Variants in DCC observed in about 807,000 individuals in gnomAD.
DCC encodes DCC netrin 1 receptor.
In DCC, 58 loss-of-function variants were observed where a neutral mutation model predicts 172.5. That is an observed-to-expected ratio of 0.34 (90% confidence interval 0.27 to 0.42). The LOEUF (loss-of-function observed/expected upper bound fraction) is 0.42. Among genes scored for constraint, DCC ranks in the 10% least tolerant of loss-of-function variants. DCC has a pLI of 1.00. For missense variants in DCC, 1,740 were observed against 1,791.0 expected, an observed-to-expected ratio of 0.97 and a Z score of 0.51; for synonymous variants, 709 against 644.5, an observed-to-expected ratio of 1.10 and a Z score of -1.52.
At chr18:53,392,156 C>A (rs1018026978) in intron 17 of DCC, among the ~76,000 whole-genome samples, 3 of 151,654 alleles carry the variant, frequency 2.0e-5, no homozygotes, top group African/African-American at 7.3e-5. Flanking sequence ...TGATTTGATT[C>A]TGTGCAAGAG....
chr18:52,717,579 C>G (rs1303930729), intron 1 of DCC, among the ~76,000 whole-genome samples: 1 of 151,852 alleles, frequency 6.6e-6, no homozygotes, highest in Non-Finnish European at 1.5e-5. Flanking sequence ...GAACAGTCAT[C>G]CAGAGAGTAC....
chr18:53,095,687 A>T (rs1446092968), intron 7 of DCC, among the ~76,000 whole-genome samples: 1 of 152,132 alleles, frequency 6.6e-6, no homozygotes, highest in East Asian at 1.9e-4. Flanking sequence ...TATTTAGATA[A>T]ACCAGGATAA....
At chr18:52,560,325 T>C (rs1292610960) in intron 1 of DCC, among the ~76,000 whole-genome samples, 2 of 152,246 alleles carry the variant, frequency 1.3e-5, no homozygotes, top group African/African-American at 2.4e-5. Flanking sequence ...TATAATTCTG[T>C]GTATCATGAA....
In DCC at chr18:52,649,321, C is replaced by T. The variant is rs561347511; in HGVS notation, c.92-102733C>T. Among the ~76,000 whole-genome samples the T allele has an allele frequency of 1.3e-4, 19 of 146,726 alleles. No individual in the cohort carries two copies. The East Asian group carries it at 3.8e-3, about 29-fold the overall frequency. Reference sequence around the variant, plus strand: ...CCGGGAGGCGGAGCTTGCAGTGAGCCGAGATTGTGCCACTGCACTCCAGCT... The same window carrying T: ...CCGGGAGGCGGAGCTTGCAGTGAGCTGAGATTGTGCCACTGCACTCCAGCT... On this transcript the variant is annotated intron_variant, in intron 1 of 28. Transcript: ENST00000442544.
At chr18:53,397,515 A>G (rs1248073151) in intron 18 of DCC, 69 bp downstream of exon 18, 6 of 1,544,132 alleles carry the variant, frequency 3.9e-6, no homozygotes, top group African/African-American at 2.7e-5. Flanking sequence ...AAATTAGAAC[A>G]TGTGTTCCCT....
At chr18:53,305,478 T>G in intron 12 of DCC, 100 bp from the exon 13 acceptor site, 1 of 971,072 alleles carries the variant, frequency 1.0e-6, no homozygotes, top group Non-Finnish European at 1.7e-6. Flanking sequence ...CACTTCTTGC[T>G]TCTCTGCTTT....
intron 1 of DCC, among the ~76,000 whole-genome samples, chr18:52,475,117 C>G (rs1989057178): frequency 6.6e-6 from 1 of 152,168 alleles, no homozygotes; most frequent in African/African-American, 2.4e-5. Context: ...CATTGAAATT[C>G]TGAGTGGAAA....
Position 52,386,138 on chromosome 18 carries a change from G to T in DCC, c.91+45260G>T, listed in dbSNP as rs892587262. 3.3e-5 allele frequency among the ~76,000 whole-genome samples: 5 copies of T among 152,142 alleles called. 1 individual carries two copies. The South Asian group carries it at 6.2e-4, about 19-fold the overall frequency. ...TGTTATTTTCCCATTTCACAGGTGA[G>T]AAAACAGAGGCTCTGGGAGCCTAAG... is the stretch of plus-strand genomic sequence containing the variant. On this transcript the variant is annotated intron_variant, in intron 1 of 28. Transcript: ENST00000442544.
chr18:52,744,068 G>A (rs1187300885), intron 1 of DCC, among the ~76,000 whole-genome samples: 2 of 152,150 alleles, frequency 1.3e-5, no homozygotes, highest in African/African-American at 4.8e-5. Flanking sequence ...GGAATTTCAT[G>A]GAGGATAGGT....
At chr18:53,372,474 G>A (rs2058068999) in intron 15 of DCC, among the ~76,000 whole-genome samples, 2 of 151,930 alleles carry the variant, frequency 1.3e-5, no homozygotes, top group African/African-American at 4.8e-5. Context: ...AAGGGTAGGG[G>A]GAGGGAGAAG....
intron 10 of DCC, among the ~76,000 whole-genome samples, chr18:53,205,966 A>T (rs1454674643): frequency 6.6e-6 from 1 of 151,610 alleles, no homozygotes; most frequent in East Asian, 1.9e-4. Flanking sequence ...GACACATGAA[A>T]CTGAAAAATT....
In DCC at chr18:52,652,947, G is replaced by A. The variant is rs115160897; in HGVS notation, c.92-99107G>A. 2.3e-3 allele frequency among the ~76,000 whole-genome samples: 345 copies of A among 152,180 alleles called. 1 individual carries two copies. The highest frequency in any genetic ancestry group is 7.9e-3 in the African/African-American group (330 of 41,512). Reference sequence around the variant, plus strand: ...TGAGGACACAGAGAATAACAAAACAGGAAAAGAATGATGCAGGGGAAAGGG... The same window carrying A: ...TGAGGACACAGAGAATAACAAAACAAGAAAAGAATGATGCAGGGGAAAGGG... On this transcript the variant is annotated intron_variant, in intron 1 of 28. Coordinates refer to ENST00000442544, the MANE Select transcript of DCC (RefSeq NM_005215.4).
At chr18:53,349,872 G>T (rs1338757882) in intron 15 of DCC, among the ~76,000 whole-genome samples, 3 of 152,136 alleles carry the variant, frequency 2.0e-5, no homozygotes, top group Non-Finnish European at 2.9e-5. Context: ...TTTGGGCGGG[G>T]ACACAGCCAA....
chr18:52,781,559 T>TCTAACATTG (rs1313500294), intron 2 of DCC, among the ~76,000 whole-genome samples: 4 of 152,268 alleles, frequency 2.6e-5, no homozygotes, highest in African/African-American at 9.6e-5. Flanking sequence ...AAAGAGTGCC[T>TCTAACATTG]CTAACATTGT....
chr18:52,765,114 C>G (rs149333395), intron 2 of DCC, among the ~76,000 whole-genome samples: 1 of 151,462 alleles, frequency 6.6e-6, no homozygotes, highest in Non-Finnish European at 1.5e-5. Flanking sequence ...CTGCAACCTC[C>G]GCCTCCCAGG....
At chr18:52,544,454 T>TC (rs1555695599) in intron 1 of DCC, among the ~76,000 whole-genome samples, 86,839 of 150,514 alleles carry the variant, frequency 0.58, 25,346 homozygotes, top group South Asian at 0.68. Context: ...TTTCTTTCTT[T>TC]TTTTTTTTTG....
intron 1 of DCC, among the ~76,000 whole-genome samples, chr18:52,425,211 G>T (rs1003764467): frequency 6.6e-6 from 1 of 152,138 alleles, no homozygotes; most frequent in Non-Finnish European, 1.5e-5. Flanking sequence ...AACTCATGTA[G>T]TTCTGATGTT....
intron 2 of DCC, among the ~76,000 whole-genome samples, chr18:52,896,828 C>A (rs1013664013): frequency 2.6e-5 from 4 of 151,820 alleles, no homozygotes; most frequent in Admixed American, 2.6e-4. Flanking sequence ...TGTCTGATCA[C>A]CACCTCCAGG....
intron 1 of DCC, among the ~76,000 whole-genome samples, chr18:52,640,435 TGATAC>T (rs2034868278): frequency 6.6e-6 from 1 of 152,144 alleles, no homozygotes. Context: ...TGTTTGCTGA[TGATAC>T]GATTGTTTAA....
Sources: allele counts gnomAD v4.1 joint callset (sites outside exome capture counted in the v4.1 genomes callset), GRCh38; gene constraint gnomAD v4.1.1; transcripts MANE v1.5; gene names NCBI Gene and HGNC (gene_info 2026-07-23, HGNC 2026-07-21).